Variants in MTHFD1 observed in about 807,000 individuals in gnomAD.
The protein encoded by MTHFD1 is C-1-tetrahydrofolate synthase, cytoplasmic.
In MTHFD1, 44 loss-of-function variants were observed where a neutral mutation model predicts 110.3. The observed-to-expected ratio is 0.40, with a 90% CI of 0.31 to 0.51. The LOEUF is 0.51. Among genes scored for constraint, MTHFD1 ranks in the 20% least tolerant of loss-of-function variants. MTHFD1 has a pLI of 0.60. For missense variants in MTHFD1, 909 were observed against 1,173.1 expected (o/e 0.77, Z 3.29); for synonymous variants, 402 against 428.8 (o/e 0.94, Z 0.77).
At chr14:64,396,558 ATTTT>A (rs71123843) in intron 1 of MTHFD1, among the ~76,000 whole-genome samples, 1 of 126,794 alleles carries the variant, frequency 7.9e-6, no homozygotes, top group African/African-American at 2.9e-5. Flanking sequence ...CTCCCAGTTA[ATTTT>A]TTTTTTTTTT....
chr14:64,419,818 A>G lies in MTHFD1; in HGVS notation c.620A>G (p.Asn207Ser), dbSNP rs1209121670. The change falls in exon 8 of 28, where the codon AAT (asparagine) becomes AGT (serine). Residue 207 changes from asparagine to serine, a missense_variant. Physicochemically the swap from Asn to Ser is conservative, Grantham distance 46. This residue lies in a region of MTHFD1 where 424 missense variants were observed against 510.4 expected (regional missense o/e 0.83). Transcript: ENST00000652337. ...GTCCAAATCCCCTACCCCTAGGTAA[A>G]TAAAGGTGACATCCTGGTGGTTGCA... ...SKTAHLDEEV[N>S]KGDILVVATG... The G allele has an allele frequency of 1.2e-6, 2 of 1,611,756 alleles. No individual in the cohort carries two copies. Among genetic ancestry groups the G allele is most frequent in the East Asian group, 2.2e-5 (1 of 44,888 alleles).
At chr14:64,401,052 T>TG (rs1323989723) in intron 2 of MTHFD1, among the ~76,000 whole-genome samples, 175 bp downstream of exon 2, 2 of 152,114 alleles carry the variant, frequency 1.3e-5, no homozygotes, top group East Asian at 3.9e-4. Context: ...TGGCATATCC[T>TG]GGCCCTCTGC....
At chr14:64,434,958 T>C (rs953353742) in intron 15 of MTHFD1, among the ~76,000 whole-genome samples, 127 of 124,240 alleles carry the variant, frequency 1.0e-3, no homozygotes, top group Non-Finnish European at 1.9e-3. Context: ...TCTTTTTTTT[T>C]TTTTTTTTTT....
At chr14:64,430,279 G>A (rs528076321) in intron 13 of MTHFD1, 49 bp downstream of exon 13, 5 of 1,534,450 alleles carry the variant, frequency 3.3e-6, no homozygotes, top group Non-Finnish European at 4.5e-6. Flanking sequence ...TTTTTTGTCG[G>A]GGGGGAGGGT....
chr14:64,454,656 G>T, intron 25 of MTHFD1, 67 bp from the exon 26 acceptor site: 3 of 1,290,620 alleles, frequency 2.3e-6, no homozygotes. Flanking sequence ...TAATCACAGG[G>T]CCCAGATGGT....
At chr14:64,425,906 C>G in intron 10 of MTHFD1, 79 bp downstream of exon 10, 1 of 1,565,528 alleles carries the variant, frequency 6.4e-7, no homozygotes, top group Non-Finnish European at 8.8e-7. Flanking sequence ...TTCACATATG[C>G]TCCCTCTGAA....
chr14:64,454,800 T>C lies in MTHFD1; in HGVS notation c.2643T>C (p.Pro881=), dbSNP rs1209490227. The C allele has an allele frequency of 2.5e-6, 4 of 1,614,210 alleles. No individual in the cohort carries two copies. The highest frequency in any genetic ancestry group is 1.3e-5 in the African/African-American group (1 of 75,076). The change falls in exon 26 of 28, where the codon CCT becomes CCC. Residue 881 remains proline, a synonymous_variant. Transcript: ENST00000652337. ...ACAACCCAGAGCAAAAAGGTGTCCC[T>C]ACAGGCTTCATTCTGCCCATTCGCG... ...LSHNPEQKGV[P]TGFILPIRDI...
chr14:64,427,247 A>G (rs958476092), intron 11 of MTHFD1, 90 bp from the exon 12 acceptor site: 2 of 1,436,194 alleles, frequency 1.4e-6, no homozygotes, highest in Non-Finnish European at 9.7e-7. Context: ...TTAGATTACG[A>G]GTCATTCTCT....
At chr14:64,410,426 A>G (rs1462733093) in intron 2 of MTHFD1, among the ~76,000 whole-genome samples, 2 of 149,324 alleles carry the variant, frequency 1.3e-5, no homozygotes, top group Admixed American at 6.6e-5. Context: ...GGGTCTCACT[A>G]TGTTGCCCAG....
chr14:64,397,363 G>T (rs1432995616), intron 1 of MTHFD1, among the ~76,000 whole-genome samples: 1 of 149,810 alleles, frequency 6.7e-6, no homozygotes, highest in African/African-American at 2.5e-5. Flanking sequence ...CGCGATCTCT[G>T]CTCACTGCAA....
chr14:64,421,861 G>A (rs1041613880), intron 8 of MTHFD1, among the ~76,000 whole-genome samples: 12 of 152,020 alleles, frequency 7.9e-5, no homozygotes, highest in African/African-American at 1.2e-4. Flanking sequence ...TCCTGACCTC[G>A]TGATCCGCCC....
intron 17 of MTHFD1, among the ~76,000 whole-genome samples, chr14:64,439,894 CAA>C (rs760527922): frequency 8.8e-5 from 5 of 56,574 alleles, no homozygotes; most frequent in Admixed American, 2.0e-4. Context: ...ACTCTGTCTC[CAA>C]AAAAAAAAAA....
intron 22 of MTHFD1, among the ~76,000 whole-genome samples, chr14:64,446,387 G>A (rs2078289231): frequency 6.6e-6 from 1 of 152,170 alleles, no homozygotes; most frequent in South Asian, 2.1e-4. Context: ...TTTATTGAGT[G>A]TATATGTCAT....
chr14:64,459,599 A>T lies in MTHFD1; in HGVS notation c.*5-160A>T, dbSNP rs571745862. 3.0e-4 allele frequency among the ~76,000 whole-genome samples: 45 copies of T among 152,376 alleles called. No homozygotes were observed. In the South Asian group the frequency reaches 9.3e-3, roughly 32 times the overall value. The stretch of plus-strand genomic sequence containing the variant: ...ATGGAAATACCATGCATCATTTTCA[A>T]GTCCATTTATGGACACGCCCTAGAA... On this transcript the variant is annotated intron_variant, in intron 27 of 27. Transcript: ENST00000652337.
At chr14:64,444,330 G>A (rs1371452284) in intron 21 of MTHFD1, among the ~76,000 whole-genome samples, 3 of 151,524 alleles carry the variant, frequency 2.0e-5, no homozygotes, top group South Asian at 2.1e-4. Context: ...GGTGACTTCC[G>A]CAGGCCCGAC....
intron 15 of MTHFD1, among the ~76,000 whole-genome samples, chr14:64,434,184 A>G (rs977400809): frequency 2.0e-5 from 3 of 152,228 alleles, no homozygotes; most frequent in African/African-American, 7.2e-5. Context: ...ATTTGCAGAT[A>G]TCGGGATAAA....
chr14:64,456,920 T>C lies in MTHFD1; in HGVS notation c.2719-1294T>C, dbSNP rs189835065. Among the ~76,000 whole-genome samples, 624 of 152,342 alleles carry C rather than the reference T, an allele frequency of 4.1e-3. 5 individuals are homozygous for C. The highest frequency in any genetic ancestry group is 0.014 in the African/African-American group (602 of 41,566). ...GCTGTTTTCCTGTCTAGATTTGATT[T>C]GGAACTTGTGTGTATTCATTATATA... On this transcript the variant is annotated intron_variant, in intron 26 of 27. Transcript: ENST00000652337.
intron 1 of MTHFD1, among the ~76,000 whole-genome samples, chr14:64,393,427 A>T (rs1034953631): frequency 1.3e-5 from 2 of 151,890 alleles, no homozygotes; most frequent in Admixed American, 6.6e-5. Context: ...AAAAAAAAAA[A>T]TTTGCCTGTA....
chr14:64,427,196 C>T, intron 11 of MTHFD1, 141 bp from the exon 12 acceptor site: 1 of 931,106 alleles, frequency 1.1e-6, no homozygotes, highest in South Asian at 1.4e-5. Context: ...GCTGGGACTA[C>T]AGGCATACAC....
Sources: allele counts gnomAD v4.1 joint callset (sites outside exome capture counted in the v4.1 genomes callset), GRCh38; gene constraint gnomAD v4.1.1; regional missense constraint gnomAD v4.1.1; transcripts MANE v1.5; gene names NCBI Gene and HGNC (gene_info 2026-07-23, HGNC 2026-07-21).